NCS1: variants seen among roughly 807,000 people sequenced by gnomAD.
The protein encoded by NCS1 is neuronal calcium sensor 1, also known as frequenin homolog.
In NCS1, 6 loss-of-function variants were observed where a neutral mutation model predicts 28.4. The observed-to-expected ratio is 0.21, with a 90% CI of 0.12 to 0.42. The LOEUF is 0.42. Among genes scored for constraint, NCS1 ranks in the 10% least tolerant of loss-of-function variants. NCS1 has a pLI of 1.00. For missense variants in NCS1, 131 were observed against 241.4 expected (o/e 0.54, Z 3.03); for synonymous variants, 86 against 99.3 (o/e 0.87, Z 0.79).
chr9:130,221,395 T>G (rs1248971442), intron 4 of NCS1, among the ~76,000 whole-genome samples: 23 of 64,886 alleles, frequency 3.5e-4, no homozygotes, highest in South Asian at 9.1e-4. Flanking sequence ...TATATATATA[T>G]ATATATATAT....
chr9:130,221,413 T>TAGAGAGAGAGAG (rs782666520), intron 4 of NCS1, among the ~76,000 whole-genome samples: 8 of 57,706 alleles, frequency 1.4e-4, no homozygotes, highest in African/African-American at 3.2e-4. Flanking sequence ...TATATATATA[T>TAGAGAGAGAGAG]AGAGAGAGAG....
intron 2 of NCS1, among the ~76,000 whole-genome samples, chr9:130,202,579 G>GTTTTT (rs11329541): frequency 8.2e-6 from 1 of 122,672 alleles, no homozygotes. Context: ...TCAAATCCAT[G>GTTTTT]TTTTTTTTTT....
At position 130,219,666 on chromosome 9, in the gene NCS1, A is replaced by G; in HGVS notation, c.229-59A>G. 6.4e-7 allele frequency: 1 copy of G among 1,552,258 alleles called. No individual in the cohort carries two copies. The highest frequency in any genetic ancestry group is 1.1e-5 in the South Asian group (1 of 89,690). ...CTGCCCCTCGCCCGTCCCGAGGTTC[A>G]GCCTGACCCGGTGGCCTGGCCGGCA... On this transcript the variant is annotated intron_variant, in intron 3 of 7. Transcript: ENST00000372398. The surrounding 1 kb of genome is among the most constrained non-coding windows in gnomAD (Gnocchi z 5.7).
intron 7 of NCS1, among the ~76,000 whole-genome samples, chr9:130,231,540 C>T (rs1015282873): frequency 4.6e-5 from 7 of 151,700 alleles, no homozygotes; most frequent in East Asian, 3.9e-4. Context: ...CACACCACCA[C>T]GCCCAGCTAA....
chr9:130,195,195 G>T (rs1564706112), intron 1 of NCS1, among the ~76,000 whole-genome samples: 1 of 152,196 alleles, frequency 6.6e-6, no homozygotes, highest in African/African-American at 2.4e-5. Flanking sequence ...ACTCATCCAA[G>T]ACCACAGATC....
rs782628867 is a variant in NCS1 at position 130,172,638 on chromosome 9, G to A, written c.-26G>A. On this transcript the variant is annotated 5_prime_UTR_variant, in exon 1 of 8. Coordinates refer to ENST00000372398, the MANE Select transcript of NCS1 (RefSeq NM_014286.4). ...GGCGCCCCAACCGGGTCCGGCCCGGGGGGGCGGGGGCCGCGGCCGCCGAGG... is the reference window on the plus strand; with the variant it reads ...GGCGCCCCAACCGGGTCCGGCCCGGAGGGGCGGGGGCCGCGGCCGCCGAGG... 340 of 1,422,026 alleles carry A rather than the reference G, an allele frequency of 2.4e-4. 1 individual carries two copies. Among genetic ancestry groups the A allele is most frequent in the East Asian group, 2.7e-4 (8 of 29,620 alleles). 88.1% of individuals were successfully genotyped at this position (1,422,026 alleles called of 1,614,324 possible).
At chr9:130,200,863 G>C in intron 1 of NCS1, 95 bp from the exon 2 acceptor site, 1 of 1,541,198 alleles carries the variant, frequency 6.5e-7, no homozygotes, top group South Asian at 1.1e-5. Flanking sequence ...CGTGGGGAGG[G>C]GAGGGCTGGA....
Position 130,209,911 on chromosome 9 carries a change from C to T in NCS1, c.90-7921C>T, listed in dbSNP as rs1388572457. Among the ~76,000 whole-genome samples, 4 of 152,058 alleles carry T rather than the reference C, an allele frequency of 2.6e-5. No individual in the cohort carries two copies. The highest frequency in any genetic ancestry group is 5.9e-5 in the Non-Finnish European group (4 of 68,016). On this transcript the variant is annotated intron_variant, in intron 2 of 7. Transcript: ENST00000372398. This position sits in a 1 kb window ranked among gnomAD's most constrained non-coding sequence, Gnocchi z 4.4. ...CGTTCTTCACAGCCTGGGCCTGCCTCTGAGGTCTGGCACCATGGCTCTTCT... is the reference window on the plus strand; with the variant it reads ...CGTTCTTCACAGCCTGGGCCTGCCTTTGAGGTCTGGCACCATGGCTCTTCT...
In NCS1 at chr9:130,177,014, G is replaced by A. The variant is rs2131113367; in HGVS notation, c.64+4287G>A. On this transcript the variant is annotated intron_variant, in intron 1 of 7. Transcript: ENST00000372398. This position sits in a 1 kb window ranked among gnomAD's most constrained non-coding sequence, Gnocchi z 4.4. ...GGGACCCTCGGTCTGGGACTCAGGG[G>A]TGGCCACCTCCTCCCTGTTGCCTTT... is the stretch of plus-strand genomic sequence containing the variant. Among the ~76,000 whole-genome samples the A allele has an allele frequency of 6.6e-6, 1 of 152,330 alleles. No individual in the cohort carries two copies. Among genetic ancestry groups the A allele is most frequent in the South Asian group, 2.1e-4 (1 of 4,830 alleles).
At position 130,236,247 on chromosome 9, in the gene NCS1, G is replaced by T. The variant is rs112065411; in HGVS notation, c.*3275G>T. Reference sequence around the variant, plus strand: ...TGGAAAAAGCCTCCATTGCCCACCCGCCAGGCGGAAAGTCACCCTGTTCCC... The same window carrying T: ...TGGAAAAAGCCTCCATTGCCCACCCTCCAGGCGGAAAGTCACCCTGTTCCC... On this transcript the variant is annotated 3_prime_UTR_variant, in exon 8 of 8. Transcript: ENST00000372398. 6.6e-6 allele frequency: 1 copy of T among 152,162 alleles called. No individual in the cohort carries two copies. Among genetic ancestry groups the T allele is most frequent in the East Asian group, 1.9e-4 (1 of 5,192 alleles). 9.4% of individuals were successfully genotyped at this position (152,162 alleles called of 1,614,324 possible).
At chr9:130,229,282 C>A (rs62585998) in intron 7 of NCS1, among the ~76,000 whole-genome samples, 43 of 142,312 alleles carry the variant, frequency 3.0e-4, no homozygotes, top group Admixed American at 1.6e-3. Flanking sequence ...TTTTTTTTTC[C>A]AAGATGGAGT....
At chr9:130,178,512 C>A (rs577892209) in intron 1 of NCS1, among the ~76,000 whole-genome samples, 19 of 152,312 alleles carry the variant, frequency 1.2e-4, no homozygotes, top group Admixed American at 2.6e-4. Context: ...GTCTTAAACC[C>A]CTTTGGGGCA....
chr9:130,222,142 G>GTGTATA (rs1564714100), intron 4 of NCS1, among the ~76,000 whole-genome samples: 113 of 127,758 alleles, frequency 8.8e-4, no homozygotes, highest in Non-Finnish European at 1.5e-3. Flanking sequence ...ATATATATAC[G>GTGTATA]TATATATATA....
chr9:130,185,798 CCCCACCACCCCCTGCGCG>C, intron 1 of NCS1, among the ~76,000 whole-genome samples: 1 of 152,378 alleles, frequency 6.6e-6, no homozygotes, highest in East Asian at 1.9e-4. Context: ...CGGCCAGTGG[CCCCACCACCCCCTGCGCG>C]CCCAGCAGCC....
chr9:130,196,060 G>A (rs1832874575), intron 1 of NCS1, among the ~76,000 whole-genome samples: 1 of 152,262 alleles, frequency 6.6e-6, no homozygotes, highest in South Asian at 2.1e-4. Flanking sequence ...AGGTCACTCT[G>A]GCATCTGGGT....
At chr9:130,214,038 A>T (rs1833149558) in intron 2 of NCS1, among the ~76,000 whole-genome samples, 1 of 152,084 alleles carries the variant, frequency 6.6e-6, no homozygotes, top group Admixed American at 6.6e-5. Flanking sequence ...TTATTCATTC[A>T]CCTCACCGGA....
rs1436189115 is a variant in NCS1 at position 130,232,499 on chromosome 9, T to C, written c.*18-491T>C. On this transcript the variant is annotated intron_variant, in intron 7 of 7. Coordinates refer to ENST00000372398, the MANE Select transcript of NCS1 (RefSeq NM_014286.4). The surrounding 1 kb of genome is among the most constrained non-coding windows in gnomAD (Gnocchi z 4.4). Reference sequence around the variant, plus strand: ...AACATTTATTTATTAAGGATAAATATAGGCTGGGCACGGTGGCTCACGCCT... The same window carrying C: ...AACATTTATTTATTAAGGATAAATACAGGCTGGGCACGGTGGCTCACGCCT... 3.3e-5 allele frequency among the ~76,000 whole-genome samples: 5 copies of C among 152,188 alleles called. No individual in the cohort carries two copies. The highest frequency in any genetic ancestry group is 2.6e-4 in the Admixed American group (4 of 15,282).
intron 2 of NCS1, among the ~76,000 whole-genome samples, chr9:130,204,546 CCCGAGTAG>C (rs1458552385): frequency 2.6e-5 from 4 of 152,198 alleles, no homozygotes; most frequent in African/African-American, 9.6e-5. Context: ...GACTCAGCCT[CCCGAGTAG>C]CTGAGACGGC....
chr9:130,205,311 C>T (rs1296030355), intron 2 of NCS1, among the ~76,000 whole-genome samples: 1 of 151,896 alleles, frequency 6.6e-6, no homozygotes, highest in Non-Finnish European at 1.5e-5. Flanking sequence ...TGTGGAGGCT[C>T]CCGCAGCAAA....
Sources: gnomAD v4.1 joint callset for allele counts (sites outside exome capture counted in the v4.1 genomes callset) on GRCh38, gnomAD v4.1.1 for gene constraint, Gnocchi (gnomAD v3.1) non-coding constraint, MANE v1.5 for transcripts, NCBI Gene and HGNC (gene_info 2026-07-23, HGNC 2026-07-21) for gene names.